Variants in LRRTM4 observed in about 807,000 individuals in gnomAD.
LRRTM4 encodes leucine rich repeat transmembrane neuronal 4, also known as leucine-rich repeat transmembrane neuronal protein 4.
LRRTM4 carries 25 observed loss-of-function variants against 47.6 expected under a neutral mutation model. The ratio of observed to expected loss-of-function variants is 0.53; its 90% CI spans 0.38 to 0.73. LRRTM4 has a LOEUF of 0.73. Among genes scored for constraint, LRRTM4 ranks in the 30% least tolerant of loss-of-function variants. LRRTM4 has a pLI of 0.00. For synonymous variants in LRRTM4, 311 were observed against 269.5 expected, an observed-to-expected ratio of 1.15 and a Z score of -1.51; for missense variants, 638 against 713.4, an observed-to-expected ratio of 0.89 and a Z score of 1.20.
chr2:76,748,731 T>A lies in LRRTM4; in HGVS notation c.1737A>T (p.Ala579=). ...HSFIATIARS[A]APAIYLERIA... Reference sequence around the variant, plus strand: ...TTCTCTCTAGGTAGATGGCCGGTGCTGCCGACCTGGCGATGGTGGCGATGA... The same window carrying A: ...TTCTCTCTAGGTAGATGGCCGGTGCAGCCGACCTGGCGATGGTGGCGATGA... Residue 579 remains alanine (A), a synonymous_variant, in exon 4 of 4, where the codon GCA becomes GCT. Coordinates refer to ENST00000409884, the MANE Select transcript of LRRTM4 (RefSeq NM_001134745.3). The A allele has an allele frequency of 6.2e-7, 1 of 1,613,776 alleles. No homozygotes were observed. The highest frequency in any genetic ancestry group is 8.5e-7 in the Non-Finnish European group (1 of 1,179,842).
At chr2:77,405,537 C>T (rs1674150413) in intron 3 of LRRTM4, among the ~76,000 whole-genome samples, 1 of 152,054 alleles carries the variant, frequency 6.6e-6, no homozygotes, top group African/African-American at 2.4e-5. Flanking sequence ...ATGTCACTTC[C>T]TGCATTTTTT....
chr2:77,458,771 A>T (rs1172800680), intron 3 of LRRTM4, among the ~76,000 whole-genome samples: 1 of 151,012 alleles, frequency 6.6e-6, no homozygotes, highest in Non-Finnish European at 1.5e-5. Context: ...TCCAAATTTG[A>T]TTGGCATCCT....
At chr2:76,999,316 G>C (rs1473302192) in intron 3 of LRRTM4, among the ~76,000 whole-genome samples, 2 of 151,906 alleles carry the variant, frequency 1.3e-5, no homozygotes, top group African/African-American at 4.8e-5. Flanking sequence ...AAAATATCTT[G>C]ATAGAATCTC....
At chr2:76,901,096 T>C (rs1558724555) in intron 3 of LRRTM4, among the ~76,000 whole-genome samples, 1 of 152,164 alleles carries the variant, frequency 6.6e-6, no homozygotes, top group Non-Finnish European at 1.5e-5. Flanking sequence ...CGCAGGTTTG[T>C]TACATTGGTA....
chr2:76,775,293 C>T (rs891786255), intron 3 of LRRTM4, among the ~76,000 whole-genome samples: 1 of 152,138 alleles, frequency 6.6e-6, no homozygotes, highest in Non-Finnish European at 1.5e-5. Flanking sequence ...TCTTCCACAA[C>T]ATTGGCAATC....
At chr2:77,429,831 C>A (rs190309858) in intron 3 of LRRTM4, among the ~76,000 whole-genome samples, 1 of 152,174 alleles carries the variant, frequency 6.6e-6, no homozygotes, top group South Asian at 2.1e-4. Context: ...TTTGTGAGGC[C>A]GAGGCGGGTG....
chr2:77,253,490 T>G (rs1199181465), intron 3 of LRRTM4, among the ~76,000 whole-genome samples: 5 of 152,142 alleles, frequency 3.3e-5, no homozygotes, highest in African/African-American at 1.2e-4. Flanking sequence ...ATTTAAATGA[T>G]ATCTAGAGTC....
intron 3 of LRRTM4, among the ~76,000 whole-genome samples, chr2:76,778,234 G>T (rs1179813731): frequency 7.0e-6 from 1 of 142,970 alleles, no homozygotes; most frequent in South Asian, 2.3e-4. Flanking sequence ...TTTTGGTTGT[G>T]TCTCTGCCCG....
intron 3 of LRRTM4, among the ~76,000 whole-genome samples, chr2:77,289,717 A>G (rs12105416): frequency 0.12 from 18,578 of 152,090 alleles, 2,340 homozygotes; most frequent in African/African-American, 0.31. Context: ...TGCATTCAAG[A>G]TTACATGATA....
Position 77,519,819 on chromosome 2 carries a change from A to C in LRRTM4, c.50T>G (p.Val17Gly). ...TQLKGMSVVLVLLPTLLLVML... is the reference protein window; with the variant it reads ...TQLKGMSVVLGLLPTLLLVML... ...AACAAGCAGCAGTGTAGGAAGTAGCACCAGCACCACACTCATGCCTTTCAG... is the reference window on the plus strand; with the variant it reads ...AACAAGCAGCAGTGTAGGAAGTAGCCCCAGCACCACACTCATGCCTTTCAG... Residue 17 changes from valine (V) to glycine (G), a missense_variant, in exon 3 of 4, where the codon GTG (valine) becomes GGG (glycine). Coordinates refer to ENST00000409884, the MANE Select transcript of LRRTM4 (RefSeq NM_001134745.3). This position sits in a 1 kb window ranked among gnomAD's most constrained non-coding sequence, Gnocchi z 4.6. 1 of 1,612,656 alleles carries C rather than the reference A, an allele frequency of 6.2e-7. No homozygotes were observed.
At chr2:76,908,786 G>A (rs1318735685) in intron 3 of LRRTM4, among the ~76,000 whole-genome samples, 1 of 151,920 alleles carries the variant, frequency 6.6e-6, no homozygotes, top group African/African-American at 2.4e-5. Flanking sequence ...CACCTTACAA[G>A]GGATGTGAAG....
chr2:77,103,083 A>T (rs777721211), intron 3 of LRRTM4, among the ~76,000 whole-genome samples: 1 of 152,146 alleles, frequency 6.6e-6, no homozygotes, highest in African/African-American at 2.4e-5. Flanking sequence ...TTGATTTCAC[A>T]TATTACCTCA....
At chr2:77,098,490 CA>C (rs1004231743) in intron 3 of LRRTM4, among the ~76,000 whole-genome samples, 1 of 151,802 alleles carries the variant, frequency 6.6e-6, no homozygotes, top group Non-Finnish European at 1.5e-5. Context: ...CTACTAGAGA[CA>C]AAATTTATAG....
At chr2:76,976,368 C>A (rs1427467617) in intron 3 of LRRTM4, among the ~76,000 whole-genome samples, 1 of 150,546 alleles carries the variant, frequency 6.6e-6, no homozygotes, top group Non-Finnish European at 1.5e-5. Flanking sequence ...ATGAAGAAAC[C>A]CATATATAAA....
chr2:76,816,162 T>C (rs76971730), intron 3 of LRRTM4, among the ~76,000 whole-genome samples: 9,487 of 152,104 alleles, frequency 0.062, 391 homozygotes, highest in Middle Eastern at 0.14. Context: ...CAGAATCTGA[T>C]ACAGAAAGAT....
intron 3 of LRRTM4, among the ~76,000 whole-genome samples, chr2:76,807,830 C>T (rs937984335): frequency 2.0e-5 from 3 of 151,868 alleles, no homozygotes; most frequent in Non-Finnish European, 4.4e-5. Context: ...ATCCGCCTGC[C>T]CCAGCCTCCC....
intron 3 of LRRTM4, among the ~76,000 whole-genome samples, chr2:76,851,682 C>A (rs144886205): frequency 6.7e-6 from 1 of 150,030 alleles, no homozygotes; most frequent in Non-Finnish European, 1.5e-5. Flanking sequence ...AGTAGATGAT[C>A]TTCATATTTC....
chr2:77,087,340 C>A (rs990632450), intron 3 of LRRTM4, among the ~76,000 whole-genome samples: 1 of 152,134 alleles, frequency 6.6e-6, no homozygotes, highest in Non-Finnish European at 1.5e-5. Context: ...CTGGTAGAAA[C>A]AAAAAATCTC....
At chr2:77,049,259 G>A (rs530648781) in intron 3 of LRRTM4, among the ~76,000 whole-genome samples, 115 of 149,578 alleles carry the variant, frequency 7.7e-4, no homozygotes, top group African/African-American at 2.6e-3. Context: ...TACAATAAAC[G>A]TGGGAATGCA....
Sources: allele counts gnomAD v4.1 joint callset (sites outside exome capture counted in the v4.1 genomes callset), GRCh38; gene constraint gnomAD v4.1.1; non-coding constraint Gnocchi (gnomAD v3.1); transcripts MANE v1.5; gene names NCBI Gene and HGNC (gene_info 2026-07-23, HGNC 2026-07-21).